The following ASTN1 variants were observed in gnomAD, a reference collection of about 807,000 sequenced individuals.
The protein encoded by ASTN1 is astrotactin-1.
A neutral mutation model predicts 140.7 loss-of-function variants in ASTN1; 41 were observed. That is an observed-to-expected ratio of 0.29 (90% CI 0.23 to 0.38). The LOEUF is 0.38. Among genes scored for constraint, ASTN1 ranks in the 10% least tolerant of loss-of-function variants. ASTN1 has a pLI of 1.00. For missense variants in ASTN1, 1,479 were observed against 1,678.8 expected, an observed-to-expected ratio of 0.88 and a Z score of 2.08; for synonymous variants, 640 against 652.2, an observed-to-expected ratio of 0.98 and a Z score of 0.29.
intron 2 of ASTN1, among the ~76,000 whole-genome samples, chr1:177,049,622 C>T (rs1164457099): frequency 6.6e-6 from 1 of 152,172 alleles, no homozygotes; most frequent in Non-Finnish European, 1.5e-5. Flanking sequence ...ATCAAAGCTT[C>T]CTGACTTCAA....
chr1:177,061,507 C>T (rs73047036), intron 1 of ASTN1, among the ~76,000 whole-genome samples: 1,656 of 152,222 alleles, frequency 0.011, 46 homozygotes, highest in African/African-American at 0.038. Context: ...CAGGCTCTCA[C>T]CCATCGAAAA....
chr1:176,870,088 G>A (rs532184014), intron 21 of ASTN1, among the ~76,000 whole-genome samples: 1 of 152,304 alleles, frequency 6.6e-6, no homozygotes, highest in East Asian at 1.9e-4. Flanking sequence ...ATTTTGTATA[G>A]ACTTGGCATT....
intron 1 of ASTN1, among the ~76,000 whole-genome samples, chr1:177,126,682 G>A (rs532852650): frequency 5.9e-5 from 9 of 152,298 alleles, no homozygotes; most frequent in Admixed American, 3.3e-4. Context: ...AAGTCTTCTT[G>A]CTGCCATCCT....
At chr1:177,113,706 G>C (rs186391817) in intron 1 of ASTN1, among the ~76,000 whole-genome samples, 1 of 152,252 alleles carries the variant, frequency 6.6e-6, no homozygotes, top group Non-Finnish European at 1.5e-5. Context: ...GGGGCCCTCC[G>C]AACCTTGCTG....
chr1:177,024,728 A>G lies in ASTN1; in HGVS notation c.1125T>C (p.Gly375=). ...TCTTATTCACAGGACTTCGGGGAGAACCCACTGAAAGTGAGACAAAAGCAA... is the reference window on the plus strand; with the variant it reads ...TCTTATTCACAGGACTTCGGGGAGAGCCCACTGAAAGTGAGACAAAAGCAA... ...PSRSRRRSRV[G]SPRSPVNKTT... The change falls in exon 6 of 23, where the codon GGT becomes GGC. Residue 375 remains glycine, a synonymous_variant. Coordinates refer to ENST00000361833, the MANE Select transcript of ASTN1 (RefSeq NM_004319.3). The G allele has an allele frequency of 1.2e-6, 2 of 1,613,150 alleles. No individual in the cohort carries two copies. The highest frequency in any genetic ancestry group is 1.7e-6 in the Non-Finnish European group (2 of 1,179,258).
chr1:177,062,267 G>A (rs1252888813), intron 1 of ASTN1, among the ~76,000 whole-genome samples: 2 of 151,060 alleles, frequency 1.3e-5, no homozygotes, highest in African/African-American at 4.9e-5. Context: ...TTAAGCAAGG[G>A]TCTTGCTCTG....
intron 1 of ASTN1, among the ~76,000 whole-genome samples, chr1:177,158,655 C>CGTGTGTGTGTGTGT (rs34610563): frequency 1.4e-5 from 2 of 142,612 alleles, no homozygotes; most frequent in Non-Finnish European, 3.1e-5. Flanking sequence ...GAAAAAAGTA[C>CGTGTGTGTGTGTGT]GTGTGTGTGT....
chr1:176,925,843 T>C (rs1670937602), intron 16 of ASTN1, among the ~76,000 whole-genome samples: 1 of 151,532 alleles, frequency 6.6e-6, no homozygotes, highest in African/African-American at 2.4e-5. Flanking sequence ...TCTCGCTCTG[T>C]CACCCAGGCT....
At chr1:177,153,246 T>C (rs1683113493) in intron 1 of ASTN1, among the ~76,000 whole-genome samples, 2 of 152,112 alleles carry the variant, frequency 1.3e-5, no homozygotes, top group Admixed American at 1.3e-4. Context: ...CCTCTGCTTC[T>C]TTCTCTTGTG....
chr1:176,876,746 C>T, intron 20 of ASTN1, 109 bp from the exon 21 acceptor site: 1 of 1,038,702 alleles, frequency 9.6e-7, no homozygotes, highest in Non-Finnish European at 1.4e-6. Context: ...GCTATGGACC[C>T]AGATACTCTC....
intron 16 of ASTN1, among the ~76,000 whole-genome samples, chr1:176,914,481 T>A (rs1670395834): frequency 6.6e-6 from 1 of 152,178 alleles, no homozygotes; most frequent in Non-Finnish European, 1.5e-5. Context: ...AACTCTGTGT[T>A]ATGGAGGTTT....
At chr1:176,959,576 T>G (rs926783790) in intron 9 of ASTN1, among the ~76,000 whole-genome samples, 16 of 152,022 alleles carry the variant, frequency 1.1e-4, no homozygotes, top group African/African-American at 3.9e-4. Flanking sequence ...ACCCATTGAC[T>G]AGGGCTCCTG....
intron 1 of ASTN1, among the ~76,000 whole-genome samples, chr1:177,150,443 AT>A (rs538550087): frequency 8.7e-4 from 133 of 152,280 alleles, no homozygotes; most frequent in African/African-American, 2.8e-3. Flanking sequence ...ATGCTGTATA[AT>A]GACAAGAAGC....
intron 8 of ASTN1, among the ~76,000 whole-genome samples, chr1:176,997,866 G>C (rs1309730311): frequency 2.0e-5 from 3 of 152,110 alleles, no homozygotes; most frequent in Admixed American, 2.0e-4. Context: ...ATTTGGGCTG[G>C]GTCTTGGAGA....
chr1:176,966,396 T>C lies in ASTN1; in HGVS notation c.1524-1159A>G, dbSNP rs1026871406. Among the ~76,000 whole-genome samples, 8 of 152,186 alleles carry C rather than the reference T, an allele frequency of 5.3e-5. No individual in the cohort carries two copies. The South Asian group carries it at 8.3e-4, about 16-fold the overall frequency. On this transcript the variant is annotated intron_variant, in intron 8 of 22. Coordinates refer to ENST00000361833, the MANE Select transcript of ASTN1 (RefSeq NM_004319.3). The stretch of plus-strand genomic sequence containing the variant: ...GAAGGTGGGGCTAGGATGGCTAAAA[T>C]AGTGCATTGCTCAGGACAGTTCTGC...
chr1:176,982,527 C>T (rs1295465328), intron 8 of ASTN1, among the ~76,000 whole-genome samples: 4 of 152,220 alleles, frequency 2.6e-5, no homozygotes, highest in Admixed American at 2.0e-4. Flanking sequence ...GACAGGTTCT[C>T]GGGTCTACAA....
intron 1 of ASTN1, among the ~76,000 whole-genome samples, chr1:177,160,817 A>G (rs1369724508): frequency 6.6e-6 from 1 of 152,208 alleles, no homozygotes; most frequent in African/African-American, 2.4e-5. Context: ...GTTATTTTGC[A>G]ACACTTTTGA....
At chr1:177,005,801 G>GTT (rs918841404) in intron 8 of ASTN1, among the ~76,000 whole-genome samples, 3 of 152,120 alleles carry the variant, frequency 2.0e-5, no homozygotes, top group Non-Finnish European at 4.4e-5. Context: ...TAGAGATGGG[G>GTT]TTTCACCATG....
At chr1:176,905,258 G>A (rs1399250511) in intron 16 of ASTN1, among the ~76,000 whole-genome samples, 2 of 152,294 alleles carry the variant, frequency 1.3e-5, no homozygotes, top group Non-Finnish European at 2.9e-5. Flanking sequence ...GTCTGTGTGA[G>A]GGTGCCTGAT....
Sources: gnomAD v4.1 joint callset for allele counts (sites outside exome capture counted in the v4.1 genomes callset) on GRCh38, gnomAD v4.1.1 for gene constraint, MANE v1.5 for transcripts, NCBI Gene and HGNC (gene_info 2026-07-23, HGNC 2026-07-21) for gene names.